RSPH14: variants seen among roughly 807,000 people sequenced by gnomAD.
The protein encoded by RSPH14 is rhabdoid tumor deletion region gene 1.
Under a neutral mutation model 26.7 loss-of-function variants are expected in RSPH14, and 20 were observed. The observed-to-expected ratio is 0.75, with a 90% CI of 0.53 to 1.09. The LOEUF (loss-of-function observed/expected upper bound fraction) is 1.09. Ranked by LOEUF, RSPH14 falls within the 50% of genes least tolerant of loss-of-function variation. The pLI is 0.00. For synonymous variants in RSPH14, 177 were observed against 189.3 expected (o/e 0.93, Z 0.53); for missense variants, 449 against 457.2 (o/e 0.98, Z 0.16).
chr22:23,129,793 G>A (rs973314554), intron 4 of RSPH14, among the ~76,000 whole-genome samples: 3 of 151,890 alleles, frequency 2.0e-5, no homozygotes, highest in African/African-American at 4.8e-5. Flanking sequence ...GGTGGCACAC[G>A]CCTGTAGTCC....
At chr22:23,166,489 A>G in the RSPH14 span, among the ~76,000 whole-genome samples, 1 of 152,110 alleles carries the variant, frequency 6.6e-6, no homozygotes, top group South Asian at 2.1e-4. Context: ...CCTTACCCTG[A>G]CCTTTGCCAA....
upstream of RSPH14, among the ~76,000 whole-genome samples, chr22:23,144,350 G>C (rs1176782291): frequency 6.6e-6 from 1 of 152,118 alleles, no homozygotes; most frequent in Non-Finnish European, 1.5e-5. Context: ...GCATATACCA[G>C]GAAGCTTTCA....
At chr22:23,059,773 C>T (rs1324214121) in intron 6 of RSPH14, 55 bp from the exon 7 acceptor site, 1 of 1,485,118 alleles carries the variant, frequency 6.7e-7, no homozygotes, top group African/African-American at 1.4e-5. Context: ...CTCTTCTCAC[C>T]CCCTCTCACC....
intron 4 of RSPH14, among the ~76,000 whole-genome samples, chr22:23,073,606 C>T (rs1443377861): frequency 1.3e-5 from 2 of 152,234 alleles, no homozygotes; most frequent in South Asian, 2.1e-4. Context: ...TTGGCCCTTT[C>T]GTGCGAACAC....
chr22:23,113,313 C>G (rs912857967), intron 4 of RSPH14, among the ~76,000 whole-genome samples: 1 of 152,226 alleles, frequency 6.6e-6, no homozygotes, highest in Admixed American at 6.5e-5. Context: ...GGCTCCCACC[C>G]CAGCACTCTG....
upstream of RSPH14, among the ~76,000 whole-genome samples, chr22:23,148,823 C>T (rs116491191): frequency 8.9e-4 from 136 of 152,336 alleles, no homozygotes; most frequent in African/African-American, 3.0e-3. Context: ...TAGCTTAAAG[C>T]TGTCATGGAA....
At chr22:23,166,147 TAAAAAAAAA>T in the RSPH14 span, among the ~76,000 whole-genome samples, 10 of 59,888 alleles carry the variant, frequency 1.7e-4, no homozygotes, top group African/African-American at 5.0e-4. Context: ...CTCTGTCTTT[TAAAAAAAAA>T]AAAAAAAAAA....
intron 4 of RSPH14, among the ~76,000 whole-genome samples, chr22:23,108,548 G>C (rs866135659): frequency 1.4e-4 from 22 of 152,212 alleles, no homozygotes; most frequent in African/African-American, 5.1e-4. Context: ...GTTTGCACAG[G>C]GGGCAACCCC....
chr22:23,061,697 T>C, intron 6 of RSPH14, 112 bp downstream of exon 6: 1 of 1,377,972 alleles, frequency 7.3e-7, no homozygotes, highest in African/African-American at 1.5e-5. Context: ...TTTTTTTTTT[T>C]TTGCAAAGTG....
chr22:23,156,147 C>CA, the RSPH14 span: 200,337 of 867,286 alleles, frequency 0.23, 25,304 homozygotes, highest in East Asian at 0.36. Context: ...TCCTCCAAGA[C>CA]CCACTGAGAA....
chr22:23,101,587 G>A (rs940826794), intron 4 of RSPH14, among the ~76,000 whole-genome samples: 6 of 152,226 alleles, frequency 3.9e-5, no homozygotes, highest in African/African-American at 1.4e-4. Context: ...CTGGTCAAGG[G>A]CATAGCTCCA....
At chr22:23,125,606 G>T (rs1413814609) in intron 4 of RSPH14, among the ~76,000 whole-genome samples, 1 of 152,210 alleles carries the variant, frequency 6.6e-6, no homozygotes, top group African/African-American at 2.4e-5. Context: ...CTGCGAACCA[G>T]GCACGGAGCC....
intron 4 of RSPH14, among the ~76,000 whole-genome samples, chr22:23,126,783 C>T (rs964447480): frequency 2.6e-5 from 4 of 152,324 alleles, no homozygotes; most frequent in East Asian, 1.9e-4. Flanking sequence ...TGACTAATCC[C>T]GCCTTGTCCT....
chr22:23,101,039 C>T (rs2069287241), intron 4 of RSPH14, among the ~76,000 whole-genome samples: 1 of 152,204 alleles, frequency 6.6e-6, no homozygotes. Context: ...TCCAGTAAGA[C>T]AGGCTTATAC....
At chr22:23,180,006 G>T in the RSPH14 span, 2 of 349,374 alleles carry the variant, frequency 5.7e-6, no homozygotes, top group South Asian at 7.8e-5. Flanking sequence ...CTGACACGAC[G>T]ACTGGGCAGT....
intron 4 of RSPH14, chr22:23,123,496 C>A (rs2070090492): frequency 9.7e-7 from 1 of 1,030,220 alleles, no homozygotes; most frequent in Admixed American, 2.2e-5. Flanking sequence ...CCAACGCGTG[C>A]TAGAGAGGCC....
At chr22:23,076,362 C>T (rs1230046860) in intron 4 of RSPH14, among the ~76,000 whole-genome samples, 2 of 152,186 alleles carry the variant, frequency 1.3e-5, no homozygotes, top group Admixed American at 1.3e-4. Context: ...ACTGAATATT[C>T]GCAGACAGTC....
chr22:23,173,636 G>GT, the RSPH14 span, among the ~76,000 whole-genome samples: 140 of 107,602 alleles, frequency 1.3e-3, no homozygotes, highest in Non-Finnish European at 1.7e-3. Flanking sequence ...TTTGTTTTTT[G>GT]TTTTTTTTTT....
intron 4 of RSPH14, among the ~76,000 whole-genome samples, chr22:23,119,366 CCT>C (rs1213487847): frequency 6.6e-6 from 1 of 152,216 alleles, no homozygotes; most frequent in Non-Finnish European, 1.5e-5. Context: ...GGTTTGGCCT[CCT>C]CTCATCAACT....
Sources: gnomAD v4.1 joint callset for allele counts (sites outside exome capture counted in the v4.1 genomes callset) on GRCh38, gnomAD v4.1.1 for gene constraint, MANE v1.5 for transcripts, NCBI Gene and HGNC (gene_info 2026-07-23, HGNC 2026-07-21) for gene names.